Variants in RYR1 observed in about 807,000 individuals in gnomAD.
RYR1 encodes central core disease of muscle.
A neutral mutation model predicts 583.5 loss-of-function variants in RYR1; 342 were observed. That is an observed-to-expected ratio of 0.59 (90% CI 0.54 to 0.64). The LOEUF (loss-of-function observed/expected upper bound fraction) is 0.64. Among genes scored for constraint, RYR1 ranks in the 30% least tolerant of loss-of-function variants. The probability of loss-of-function intolerance (pLI) is 0.00; values close to 1 mark genes in which losing one functional copy is unlikely to be tolerated. For synonymous variants in RYR1, 2,791 were observed against 2,822.5 expected (o/e 0.99, Z 0.35); for missense variants, 6,032 against 6,917.2 (o/e 0.87, Z 4.54).
chr19:38,451,004 A>G (rs7256131), intron 11 of RYR1, among the ~76,000 whole-genome samples: 87,191 of 151,726 alleles, frequency 0.57, 25,818 homozygotes, highest in Admixed American at 0.66. Flanking sequence ...ATTTTTTTCT[A>G]CCTCTTGTAT....
Position 38,512,204 on chromosome 19 carries a change from T to G in RYR1, c.9234-41T>G. ...CACCCCAACCCCTGGTCTCCTAGAC[T>G]CTCCGATTCCAGAGCTGATGTTCCC... On this transcript the variant is annotated intron_variant, in intron 62 of 105. Transcript: ENST00000359596. The surrounding 1 kb of genome is among the most constrained non-coding windows in gnomAD (Gnocchi z 5.1). 6.2e-7 allele frequency: 1 copy of G among 1,613,938 alleles called. No individual in the cohort carries two copies. The highest frequency in any genetic ancestry group is 8.5e-7 in the Non-Finnish European group (1 of 1,179,878).
chr19:38,519,180 G>A (rs773966395), intron 66 of RYR1, 34 bp from the exon 67 acceptor site: 18 of 1,613,882 alleles, frequency 1.1e-5, no homozygotes, highest in South Asian at 3.3e-5. Flanking sequence ...GTCAGAGGCC[G>A]GAGGTGGCAT....
At position 38,561,287 on chromosome 19, in the gene RYR1, G is replaced by A. The variant is rs890526256; in HGVS notation, c.12457G>A (p.Val4153Met). 3.7e-6 allele frequency: 6 copies of A among 1,614,056 alleles called. No homozygotes were observed. The highest frequency in any genetic ancestry group is 4.2e-6 in the Non-Finnish European group (5 of 1,180,036). The stretch of plus-strand genomic sequence containing the variant: ...GCTGCTGACCAACCTGTCGGAGCAT[G>A]TGCCGCATGACCCTCGCCTGCACAA... The part of the protein sequence containing the change: ...AVLLTNLSEH[V>M]PHDPRLHNFL... The change falls in exon 90 of 106, where the codon GTG becomes ATG. Residue 4153 changes from valine to methionine, a missense_variant. Val to Met is a conservative substitution (Grantham distance 21). Transcript: ENST00000359596. The surrounding 1 kb of genome is among the most constrained non-coding windows in gnomAD (Gnocchi z 4.8).
chr19:38,577,229 C>T (rs115655944), intron 97 of RYR1, among the ~76,000 whole-genome samples: 2,071 of 152,166 alleles, frequency 0.014, 40 homozygotes, highest in African/African-American at 0.048. Context: ...CTTTCTGTAC[C>T]TCATACTCAA....
At position 38,517,338 on chromosome 19, in the gene RYR1, GC is replaced by G. The variant is rs1971015491; in HGVS notation, c.9686-16del. The G allele has an allele frequency of 6.2e-7, 1 of 1,609,906 alleles. No homozygotes were observed. The highest frequency in any genetic ancestry group is 8.5e-7 in the Non-Finnish European group (1 of 1,179,600). ...TGGGGGTGATGGCTTGACATTCCCT[GC>G]CCCCGTCCCTGTACCCCAGTCCTGG... is the stretch of plus-strand genomic sequence containing the variant. On this transcript the variant is annotated intron_variant, in intron 65 of 105. Coordinates refer to ENST00000359596, the MANE Select transcript of RYR1 (RefSeq NM_000540.3).
rs775677707 is a variant in RYR1, at chr19:38,523,147, A to G, written c.10347+32A>G. 1.9e-6 allele frequency: 3 copies of G among 1,613,734 alleles called. No homozygotes were observed. The Admixed American group carries it at 5.0e-5, about 27-fold the overall frequency. On this transcript the variant is annotated intron_variant, in intron 68 of 105. Transcript: ENST00000359596. ...GCCCACCCCAACCGCCCTCCCCACA[A>G]CCAGAGGAGCCGCAGCCCACAGGCG...
At chr19:38,470,611 C>T (rs530040484) in intron 27 of RYR1, among the ~76,000 whole-genome samples, 1 of 151,990 alleles carries the variant, frequency 6.6e-6, no homozygotes, top group African/African-American at 2.4e-5. Flanking sequence ...GGCGTGGTGG[C>T]GGGTGCCTGT....
At chr19:38,486,333 C>T in intron 34 of RYR1, 131 bp downstream of exon 34, 3 of 1,137,450 alleles carry the variant, frequency 2.6e-6, no homozygotes, top group Admixed American at 2.0e-5. Flanking sequence ...ATACATCCAT[C>T]CACCTTTCTT....
chr19:38,582,112 C>T (rs1484763983), intron 101 of RYR1, among the ~76,000 whole-genome samples: 1 of 152,046 alleles, frequency 6.6e-6, no homozygotes, highest in Non-Finnish European at 1.5e-5. Context: ...AAGACTTAGA[C>T]CATTGCCTTG....
chr19:38,471,775 G>A (rs1346228416), intron 27 of RYR1, among the ~76,000 whole-genome samples: 10 of 151,654 alleles, frequency 6.6e-5, no homozygotes, highest in African/African-American at 2.4e-4. Flanking sequence ...GGTGCCGGGC[G>A]CCTGTAATCC....
rs1055047557 is a variant in RYR1 at position 38,548,633 on chromosome 19, C to T, written c.12282+213C>T. ...TTTCTCTGTTGCCCAGGCTGGAGTG[C>T]AGTGGCGTGATCATAGCTCACTGCA... On this transcript the variant is annotated intron_variant, in intron 89 of 105. Coordinates refer to ENST00000359596, the MANE Select transcript of RYR1 (RefSeq NM_000540.3). Among the ~76,000 whole-genome samples the T allele has an allele frequency of 2.0e-5, 3 of 152,200 alleles. No homozygotes were observed. The East Asian group carries it at 5.8e-4, about 29-fold the overall frequency.
At chr19:38,516,337 C>A (rs1433886460) in intron 65 of RYR1, 120 bp downstream of exon 65, 2 of 1,271,110 alleles carry the variant, frequency 1.6e-6, no homozygotes, top group Admixed American at 2.2e-5. Flanking sequence ...TGAGGATTCC[C>A]CAGGTTGGGA....
chr19:38,469,536 C>T, intron 27 of RYR1, 23 bp downstream of exon 27: 2 of 1,602,504 alleles, frequency 1.2e-6, no homozygotes, highest in Non-Finnish European at 1.7e-6. Flanking sequence ...CCCCTCAATG[C>T]CTTCTCATCT....
At chr19:38,531,179 A>C (rs935640217) in intron 76 of RYR1, among the ~76,000 whole-genome samples, 5 of 151,816 alleles carry the variant, frequency 3.3e-5, no homozygotes, top group African/African-American at 1.2e-4. Flanking sequence ...CACAGATCTC[A>C]TTGGCCAGAA....
intron 97 of RYR1, among the ~76,000 whole-genome samples, chr19:38,576,180 G>A (rs368334295): frequency 1.3e-5 from 2 of 152,172 alleles, no homozygotes; most frequent in Non-Finnish European, 2.9e-5. Flanking sequence ...AAGGCCAAGC[G>A]TGGTGGCTCA....
chr19:38,581,340 G>T (rs533454754), intron 101 of RYR1, among the ~76,000 whole-genome samples: 2 of 152,280 alleles, frequency 1.3e-5, no homozygotes, highest in Non-Finnish European at 1.5e-5. Flanking sequence ...GCCTCCCAAA[G>T]TGCTGGGATT....
At position 38,586,292 on chromosome 19, in the gene RYR1, G is replaced by A. The variant is rs1455650893; in HGVS notation, c.14969+101G>A. 1.6e-5 allele frequency: 19 copies of A among 1,206,686 alleles called. No individual in the cohort carries two copies. The Middle Eastern group carries it at 7.9e-4, about 50-fold the overall frequency. The allele number at this position is 1,206,686 out of a possible 1,614,324, so 74.7% of individuals were successfully genotyped here. A position where few individuals can be genotyped will look rare whatever the true frequency, so the allele number is the denominator to read the frequency against. ...GGCCAGTTAGGAAAGGGGGTGTAGT[G>A]TCCATGTGGGCAGATTCCCTGCCAG... On this transcript the variant is annotated intron_variant, in intron 104 of 105. Coordinates refer to ENST00000359596, the MANE Select transcript of RYR1 (RefSeq NM_000540.3).
chr19:38,505,180 C>CA, intron 52 of RYR1, 99 bp downstream of exon 52: 2 of 1,242,792 alleles, frequency 1.6e-6, no homozygotes, highest in Non-Finnish European at 2.3e-6. Flanking sequence ...TGAGACCCCC[C>CA]AGCCTTCCCT....
At chr19:38,526,015 C>T (rs1280341988) in intron 71 of RYR1, among the ~76,000 whole-genome samples, 1 of 151,954 alleles carries the variant, frequency 6.6e-6, no homozygotes, top group Admixed American at 6.6e-5. Flanking sequence ...ACCCTGCTGA[C>T]ACCTGGGCCC....
Sources: gnomAD v4.1 joint callset for allele counts (sites outside exome capture counted in the v4.1 genomes callset) on GRCh38, gnomAD v4.1.1 for gene constraint, Gnocchi (gnomAD v3.1) non-coding constraint, MANE v1.5 for transcripts, NCBI Gene and HGNC (gene_info 2026-07-23, HGNC 2026-07-21) for gene names.